H3-3B: variants seen among roughly 807,000 people sequenced by gnomAD.
H3-3B encodes histone H3.3.
H3-3B carries 2 observed loss-of-function variants against 13.1 expected under a neutral mutation model. The ratio of observed to expected loss-of-function variants is 0.15; its 90% CI spans 0.06 to 0.48. The LOEUF is 0.48. Ranked by LOEUF, H3-3B falls within the 20% of genes least tolerant of loss-of-function variation. H3-3B has a pLI of 0.97. For missense variants in H3-3B, 39 were observed against 186.0 expected (o/e 0.21, Z 4.60); for synonymous variants, 133 against 75.8 (o/e 1.76, Z -3.92).
At chr17:75,778,996 T>G in intron 2 of H3-3B, 33 bp from the exon 3 acceptor site, 1 of 1,613,348 alleles carries the variant, frequency 6.2e-7, no homozygotes, top group South Asian at 1.1e-5. Context: ...GAGCGGACGC[T>G]GCCGCACAAA....
At position 75,778,736 on chromosome 17, in the gene H3-3B, A is replaced by G. The variant is rs1227946942; in HGVS notation, c.283-13T>C. ...CTTCGCTAGCCTCCTGTTGAGGACG[A>G]GAGCCGCACTATTAATCCCACTCGG... is the stretch of plus-strand genomic sequence containing the variant. On this transcript the variant is annotated splice_polypyrimidine_tract_variant and intron_variant, in intron 3 of 3. Coordinates refer to ENST00000254810, the MANE Select transcript of H3-3B (RefSeq NM_005324.5). 1 of 1,614,176 alleles carries G rather than the reference A, an allele frequency of 6.2e-7. No homozygotes were observed. Among genetic ancestry groups the G allele is most frequent in the Admixed American group, 1.7e-5 (1 of 60,014 alleles).
chr17:75,778,519 C>A lies in H3-3B; in HGVS notation c.*76G>T. On this transcript the variant is annotated 3_prime_UTR_variant, in exon 4 of 4. Coordinates refer to ENST00000254810, the MANE Select transcript of H3-3B (RefSeq NM_005324.5). ...AAATGCAACATATTATAAACAATTT[C>A]TTACAAAAAAAGTCACAAATTAAAC... 6.5e-7 allele frequency: 1 copy of A among 1,540,858 alleles called. No individual in the cohort carries two copies. The highest frequency in any genetic ancestry group is 8.8e-7 in the Non-Finnish European group (1 of 1,139,864).
At position 75,777,773 on chromosome 17, in the gene H3-3B, T is replaced by G. The variant is rs550012587; in HGVS notation, c.*822A>C. Reference sequence around the variant, plus strand: ...CACACAACACAATGAAAAGCTGCACTAACTAGTTCAGAATGTTAGTTAAGA... The same window carrying G: ...CACACAACACAATGAAAAGCTGCACGAACTAGTTCAGAATGTTAGTTAAGA... On this transcript the variant is annotated 3_prime_UTR_variant, in exon 4 of 4. Transcript: ENST00000254810. The G allele has an allele frequency of 6.6e-6, 1 of 152,666 alleles. No individual in the cohort carries two copies. The highest frequency in any genetic ancestry group is 1.9e-4 in the East Asian group (1 of 5,184). 9.5% of individuals were successfully genotyped at this position (152,666 alleles called of 1,614,324 possible). A position where few individuals can be genotyped will look rare whatever the true frequency, so the allele number is the denominator to read the frequency against.
At position 75,778,478 on chromosome 17, in the gene H3-3B, G is replaced by A. The variant is rs545288184; in HGVS notation, c.*117C>T. The A allele has an allele frequency of 1.5e-5, 21 of 1,381,580 alleles. No homozygotes were observed. The highest frequency in any genetic ancestry group is 4.3e-4 in the Middle Eastern group (2 of 4,692). 85.6% of individuals were successfully genotyped at this position (1,381,580 alleles called of 1,614,324 possible). A position where few individuals can be genotyped will look rare whatever the true frequency, so the allele number is the denominator to read the frequency against. On this transcript the variant is annotated 3_prime_UTR_variant, in exon 4 of 4. Coordinates refer to ENST00000254810, the MANE Select transcript of H3-3B (RefSeq NM_005324.5). Reference sequence around the variant, plus strand: ...TTCGCATTCATCCTGAGTGAAAGATGGAATGACTTAAGTACAAATGCAACA... The same window carrying A: ...TTCGCATTCATCCTGAGTGAAAGATAGAATGACTTAAGTACAAATGCAACA...
chr17:75,778,760 G>A (rs2071654), intron 3 of H3-3B, 37 bp from the exon 4 acceptor site: 62,183 of 1,613,988 alleles, frequency 0.039, 3,805 homozygotes, highest in East Asian at 0.33. Flanking sequence ...AATCCCACTC[G>A]GGGAGCGGAA....
chr17:75,779,589 A>C, intron 1 of H3-3B, 68 bp downstream of exon 1: 1 of 154,954 alleles, frequency 6.5e-6, no homozygotes, highest in Non-Finnish European at 1.4e-5. Flanking sequence ...TCGGCTCCCA[A>C]CGGCCGCGGC....
rs1210671555 is a variant in H3-3B, at chr17:75,776,911, T to C, written c.*1684A>G. ...AACTTTCTAGAAAAGCGGGTCATTATATTGCATCCTTTCATAGGAGCTCAT... is the reference window on the plus strand; with the variant it reads ...AACTTTCTAGAAAAGCGGGTCATTACATTGCATCCTTTCATAGGAGCTCAT... On this transcript the variant is annotated 3_prime_UTR_variant, in exon 4 of 4. Transcript: ENST00000254810. The C allele has an allele frequency of 6.6e-6, 1 of 152,252 alleles. No homozygotes were observed. The highest frequency in any genetic ancestry group is 1.9e-4 in the East Asian group (1 of 5,202). 9.4% of individuals were successfully genotyped at this position (152,252 alleles called of 1,614,324 possible). A position where few individuals can be genotyped will look rare whatever the true frequency, so the allele number is the denominator to read the frequency against.
chr17:75,777,471 GTTTA>G lies in H3-3B; in HGVS notation c.*1120_*1123del, dbSNP rs1338984873. On this transcript the variant is annotated 3_prime_UTR_variant, in exon 4 of 4. Transcript: ENST00000254810. ...TTTGGACACTTAGTTGGATAAACAA[GTTTA>G]TTTGTAAATTTAGTCAACATACATA... 6.6e-6 allele frequency: 1 copy of G among 152,632 alleles called. No individual in the cohort carries two copies. Among genetic ancestry groups the G allele is most frequent in the Admixed American group, 6.5e-5 (1 of 15,272 alleles). 9.5% of individuals were successfully genotyped at this position (152,632 alleles called of 1,614,324 possible).
Position 75,777,794 on chromosome 17 carries a change from TA to T in H3-3B, c.*800del, listed in dbSNP as rs2061645875. 2 of 152,714 alleles carry T rather than the reference TA, an allele frequency of 1.3e-5. No homozygotes were observed. The highest frequency in any genetic ancestry group is 4.1e-4 in the South Asian group (2 of 4,830). 9.5% of individuals were successfully genotyped at this position (152,714 alleles called of 1,614,324 possible). On this transcript the variant is annotated 3_prime_UTR_variant, in exon 4 of 4. Transcript: ENST00000254810. ...GCACTAACTAGTTCAGAATGTTAGT[TA>T]AGATGATGCTGGTGTGAATAACTCG... is the stretch of plus-strand genomic sequence containing the variant.
Position 75,777,714 on chromosome 17 carries a change from G to A in H3-3B, c.*881C>T, listed in dbSNP as rs1251229006. The A allele has an allele frequency of 2.0e-5, 3 of 152,400 alleles. No individual in the cohort carries two copies. Among genetic ancestry groups the A allele is most frequent in the South Asian group, 4.1e-4 (2 of 4,832 alleles). 9.4% of individuals were successfully genotyped at this position (152,400 alleles called of 1,614,324 possible). On this transcript the variant is annotated 3_prime_UTR_variant, in exon 4 of 4. Transcript: ENST00000254810. ...GAACTTCGGTACTGTTTCCTCAGCA[G>A]AGGAGAAAAACTCAACCTAGTTATG...
In H3-3B at chr17:75,776,778, TA is replaced by T. The variant is rs1210460808; in HGVS notation, c.*1816del. 1.0e-4 allele frequency: 16 copies of T among 152,388 alleles called. No individual in the cohort carries two copies. The highest frequency in any genetic ancestry group is 3.8e-4 in the African/African-American group (16 of 41,586). 9.4% of individuals were successfully genotyped at this position (152,388 alleles called of 1,614,324 possible). ...ACTCATCACCGTAGCCAGGTTTGTG[TA>T]CTTTGTTTCCAGACACGCTACAGCA... On this transcript the variant is annotated 3_prime_UTR_variant, in exon 4 of 4. Transcript: ENST00000254810.
At position 75,778,969 on chromosome 17, in the gene H3-3B, G is replaced by A. The variant is rs574608131; in HGVS notation, c.129-6C>T. 3.1e-6 allele frequency: 5 copies of A among 1,613,964 alleles called. No individual in the cohort carries two copies. Among genetic ancestry groups the A allele is most frequent in the Non-Finnish European group, 3.4e-6 (4 of 1,180,042 alleles). On this transcript the variant is annotated splice_region_variant and splice_polypyrimidine_tract_variant and intron_variant, in intron 2 of 3. Coordinates refer to ENST00000254810, the MANE Select transcript of H3-3B (RefSeq NM_005324.5). ...GAAGCGCCACGGTCCCGGGCCTGCA[G>A]CGAGCAGGGGAGGAGTGAGCGGACG...
Position 75,779,100 on chromosome 17 carries a change from G to T in H3-3B, c.75C>A (p.Ala25=). The T allele has an allele frequency of 1.9e-6, 3 of 1,607,712 alleles. No individual in the cohort carries two copies. In the South Asian group the frequency reaches 3.3e-5, roughly 18 times the overall value. The change falls in exon 2 of 4, where the codon GCC becomes GCA. Residue 25 remains alanine, a synonymous_variant. Coordinates refer to ENST00000254810, the MANE Select transcript of H3-3B (RefSeq NM_005324.5). ...CGGTAGAGGGAGCGCTTTTCCTGGC[G>T]GCTTTCGTGGCCAGCTGTTTGCGGG... ...KAPRKQLATK[A]ARKSAPSTGG...
intron 1 of H3-3B, 81 bp from the exon 2 acceptor site, chr17:75,779,265 G>A (rs909745276): frequency 5.4e-6 from 7 of 1,288,216 alleles, no homozygotes; most frequent in Non-Finnish European, 6.0e-6. Flanking sequence ...AACAGATCCT[G>A]GCCCCACCGC....
rs766917543 is a variant in H3-3B, at chr17:75,778,977, G to A, written c.129-14C>T. 6 of 1,613,906 alleles carry A rather than the reference G, an allele frequency of 3.7e-6. No homozygotes were observed. Among genetic ancestry groups the A allele is most frequent in the Middle Eastern group, 1.6e-4 (1 of 6,084 alleles). ...ACGGTCCCGGGCCTGCAGCGAGCAG[G>A]GGAGGAGTGAGCGGACGCTGCCGCA... On this transcript the variant is annotated splice_polypyrimidine_tract_variant and intron_variant, in intron 2 of 3. Transcript: ENST00000254810.
In H3-3B at chr17:75,778,528, A is replaced by G. The variant is rs1388519224; in HGVS notation, c.*67T>C. On this transcript the variant is annotated 3_prime_UTR_variant, in exon 4 of 4. Coordinates refer to ENST00000254810, the MANE Select transcript of H3-3B (RefSeq NM_005324.5). ...ATATTATAAACAATTTCTTACAAAAAAAGTCACAAATTAAACCAAAGTATT... is the reference window on the plus strand; with the variant it reads ...ATATTATAAACAATTTCTTACAAAAGAAGTCACAAATTAAACCAAAGTATT... The G allele has an allele frequency of 7.1e-6, 11 of 1,552,832 alleles. No homozygotes were observed. The South Asian group carries it at 8.5e-5, about 12-fold the overall frequency.
chr17:75,777,576 T>G lies in H3-3B; in HGVS notation c.*1019A>C, dbSNP rs1052636383. On this transcript the variant is annotated 3_prime_UTR_variant, in exon 4 of 4. Transcript: ENST00000254810. The stretch of plus-strand genomic sequence containing the variant: ...TATAAAAATGATTTTCCCAGGACAG[T>G]AACCAGATGTAACCTAACCCAACAC... The G allele has an allele frequency of 6.6e-6, 1 of 152,578 alleles. No homozygotes were observed. Among genetic ancestry groups the G allele is most frequent in the Non-Finnish European group, 1.5e-5 (1 of 68,040 alleles). The allele number at this position is 152,578 out of a possible 1,614,324, so 9.5% of individuals were successfully genotyped here.
At position 75,778,353 on chromosome 17, in the gene H3-3B, C is replaced by G. The variant is rs2061649209; in HGVS notation, c.*242G>C. 1.9e-6 allele frequency: 1 copy of G among 531,012 alleles called. No individual in the cohort carries two copies. The highest frequency in any genetic ancestry group is 3.3e-6 in the Non-Finnish European group (1 of 300,424). 32.9% of individuals were successfully genotyped at this position (531,012 alleles called of 1,614,324 possible). The stretch of plus-strand genomic sequence containing the variant: ...GTCATTAACATACAGAAACATGCAT[C>G]ATGAGAAGCAAGAAGTATCACCCAT... On this transcript the variant is annotated 3_prime_UTR_variant, in exon 4 of 4. Transcript: ENST00000254810.
Position 75,776,736 on chromosome 17 carries a change from G to A in H3-3B, c.*1859C>T, listed in dbSNP as rs537988512. The A allele has an allele frequency of 2.6e-5, 4 of 152,370 alleles. No individual in the cohort carries two copies. The highest frequency in any genetic ancestry group is 9.6e-5 in the African/African-American group (4 of 41,590). 9.4% of individuals were successfully genotyped at this position (152,370 alleles called of 1,614,324 possible). ...GTGTCACCCACTTGGGTTGTCACAG[G>A]TAGTAAGCAGAAGCTAACTCATCAC... On this transcript the variant is annotated 3_prime_UTR_variant, in exon 4 of 4. Transcript: ENST00000254810.
Sources: gnomAD v4.1 joint callset for allele counts on GRCh38, gnomAD v4.1.1 for gene constraint, MANE v1.5 for transcripts, NCBI Gene and HGNC (gene_info 2026-07-23, HGNC 2026-07-21) for gene names.